SHB: variants seen among roughly 807,000 people sequenced by gnomAD.
SHB encodes the protein SH2 domain-containing adapter protein B.
Under a neutral mutation model 52.3 loss-of-function variants are expected in SHB, and 20 were observed. The observed-to-expected ratio is 0.38, with a 90% CI of 0.27 to 0.56. SHB has a LOEUF of 0.56. SHB is among the 20% of genes least tolerant of loss of function. The pLI, the probability that SHB is intolerant of heterozygous loss-of-function variation, is 0.71. For synonymous variants in SHB, 397 were observed against 316.5 expected (o/e 1.25, Z -2.70); for missense variants, 825 against 723.3 (o/e 1.14, Z -1.61).
At chr9:37,942,163 A>T (rs1296992438) in intron 5 of SHB, among the ~76,000 whole-genome samples, 1 of 151,960 alleles carries the variant, frequency 6.6e-6, no homozygotes, top group African/African-American at 2.4e-5. Flanking sequence ...CACCCACCCA[A>T]CCTCCTTCGG....
intron 2 of SHB, among the ~76,000 whole-genome samples, chr9:37,978,957 C>T (rs1251356944): frequency 3.3e-5 from 5 of 152,212 alleles, no homozygotes; most frequent in Non-Finnish European, 7.3e-5. Flanking sequence ...CTGCCTTTCC[C>T]TGAGAAAATG....
chr9:37,992,932 A>G (rs767199805), intron 2 of SHB, among the ~76,000 whole-genome samples: 3 of 152,142 alleles, frequency 2.0e-5, no homozygotes, highest in African/African-American at 4.8e-5. Flanking sequence ...GGAGCCTGAT[A>G]CCCAAGCTCC....
chr9:38,002,817 G>A (rs567661139), intron 2 of SHB, among the ~76,000 whole-genome samples: 1 of 152,276 alleles, frequency 6.6e-6, no homozygotes, highest in Non-Finnish European at 1.5e-5. Flanking sequence ...CAGACTCCAG[G>A]ACCCTGCATC....
chr9:38,007,208 A>G (rs542745470), intron 2 of SHB, among the ~76,000 whole-genome samples: 13 of 152,358 alleles, frequency 8.5e-5, no homozygotes, highest in Admixed American at 6.5e-4. Context: ...ACTTCAAGCA[A>G]GCAAGTCACA....
At chr9:37,980,452 C>G (rs1263128556) in intron 2 of SHB, among the ~76,000 whole-genome samples, 4 of 152,208 alleles carry the variant, frequency 2.6e-5, no homozygotes, top group Admixed American at 2.6e-4. Flanking sequence ...TCTTCAGACT[C>G]CACTTCTAAT....
intron 5 of SHB, among the ~76,000 whole-genome samples, chr9:37,921,976 G>A (rs148247884): frequency 6.6e-6 from 1 of 152,370 alleles, no homozygotes; most frequent in African/African-American, 2.4e-5. Context: ...AGAGAGCAGG[G>A]CTGGTAAGGA....
chr9:38,029,404 T>G (rs563050150), intron 1 of SHB, among the ~76,000 whole-genome samples: 3 of 152,314 alleles, frequency 2.0e-5, no homozygotes, highest in African/African-American at 7.2e-5. Context: ...CATGACATAC[T>G]TGATCTCTCT....
At chr9:38,034,792 G>A (rs1023875589) in intron 1 of SHB, among the ~76,000 whole-genome samples, 18 of 152,240 alleles carry the variant, frequency 1.2e-4, no homozygotes, top group African/African-American at 4.1e-4. Flanking sequence ...TGCCTCCCGG[G>A]TTCAAGTGAT....
intron 5 of SHB, among the ~76,000 whole-genome samples, chr9:37,929,147 A>G (rs1346842650): frequency 6.6e-6 from 1 of 152,190 alleles, no homozygotes; most frequent in African/African-American, 2.4e-5. Context: ...GCCTGGTCTG[A>G]GCTTCAGGTC....
At chr9:38,057,481 T>C (rs545534306) in intron 1 of SHB, among the ~76,000 whole-genome samples, 24 of 152,336 alleles carry the variant, frequency 1.6e-4, no homozygotes, top group African/African-American at 5.1e-4. Flanking sequence ...AGTCAAAAGA[T>C]AAATGTGGAA....
chr9:38,006,007 C>T (rs1587240342), intron 2 of SHB, among the ~76,000 whole-genome samples: 1 of 152,280 alleles, frequency 6.6e-6, no homozygotes, highest in East Asian at 1.9e-4. Context: ...CTGCTCCCAC[C>T]TCAAAGGTGA....
At chr9:38,010,340 A>G (rs1458098854) in intron 2 of SHB, among the ~76,000 whole-genome samples, 1 of 152,178 alleles carries the variant, frequency 6.6e-6, no homozygotes, top group African/African-American at 2.4e-5. Context: ...TACCTCTGAG[A>G]ATTCCTAGGG....
chr9:38,025,068 G>A (rs945232008), intron 1 of SHB, among the ~76,000 whole-genome samples: 2 of 152,200 alleles, frequency 1.3e-5, no homozygotes, highest in East Asian at 1.9e-4. Flanking sequence ...AGGTCCACAC[G>A]ATTTCTTCAA....
rs184250370 is a variant in SHB at position 37,919,929 on chromosome 9, C to T, written c.1422G>A (p.Pro474=). Residue 474 remains proline (P), a synonymous_variant, in exon 6 of 6, where the codon CCG becomes CCA. Transcript: ENST00000377707. ...GGATGACTTCCGGGACACTGTCGAACGGAGGGCTGTTCTGACCCAGAACGT... is the reference window on the plus strand; with the variant it reads ...GGATGACTTCCGGGACACTGTCGAATGGAGGGCTGTTCTGACCCAGAACGT... ...EKYVLGQNSP[P]FDSVPEVIHY... 910 of 1,614,090 alleles carry T rather than the reference C, an allele frequency of 5.6e-4. No homozygotes were observed. In the African/African-American group the frequency reaches 9.6e-3, roughly 17 times the overall value.
intron 3 of SHB, among the ~76,000 whole-genome samples, chr9:37,974,187 T>C (rs1215071424): frequency 6.6e-6 from 1 of 152,068 alleles, no homozygotes; most frequent in African/African-American, 2.4e-5. Context: ...ACCTGGGAGA[T>C]GGAGGTTGCG....
At chr9:38,023,235 G>A (rs1449009173) in intron 1 of SHB, among the ~76,000 whole-genome samples, 2 of 152,232 alleles carry the variant, frequency 1.3e-5, no homozygotes, top group Non-Finnish European at 2.9e-5. Flanking sequence ...GTGGAGCTCT[G>A]GAACTGGTTC....
intron 1 of SHB, among the ~76,000 whole-genome samples, chr9:38,016,751 T>C (rs189769357): frequency 4.6e-5 from 7 of 152,184 alleles, no homozygotes; most frequent in Admixed American, 4.6e-4. Flanking sequence ...CCAGGGCCAG[T>C]AAGGACCTGA....
chr9:37,985,856 AGCGCCTGCCTGC>A (rs1820800507), intron 2 of SHB, among the ~76,000 whole-genome samples: 1 of 151,802 alleles, frequency 6.6e-6, no homozygotes, highest in African/African-American at 2.4e-5. Flanking sequence ...GACAGCAGTG[AGCGCCTGCCTGC>A]GCCAGGCACT....
intron 3 of SHB, among the ~76,000 whole-genome samples, chr9:37,966,328 T>G (rs1418011135): frequency 6.6e-6 from 1 of 152,142 alleles, no homozygotes; most frequent in Non-Finnish European, 1.5e-5. Context: ...CAAAGGCACT[T>G]GGAGGAATAT....
Sources: gnomAD v4.1 joint callset for allele counts (sites outside exome capture counted in the v4.1 genomes callset) on GRCh38, gnomAD v4.1.1 for gene constraint, MANE v1.5 for transcripts, NCBI Gene and HGNC (gene_info 2026-07-23, HGNC 2026-07-21) for gene names.